The following CADPS2 variants were observed in gnomAD, a reference collection of about 807,000 sequenced individuals.
The protein encoded by CADPS2 is calcium-dependent secretion activator 2.
Under a neutral mutation model 172.5 loss-of-function variants are expected in CADPS2, and 93 were observed. The observed-to-expected ratio is 0.54, with a 90% confidence interval of 0.46 to 0.64. CADPS2 has a LOEUF of 0.64. Among genes scored for constraint, CADPS2 ranks in the 30% least tolerant of loss-of-function variants. The pLI is 0.00. For missense variants in CADPS2, 1,420 were observed against 1,565.9 expected, an observed-to-expected ratio of 0.91 and a Z score of 1.57; for synonymous variants, 546 against 555.2, an observed-to-expected ratio of 0.98 and a Z score of 0.23.
intron 11 of CADPS2, among the ~76,000 whole-genome samples, chr7:122,488,642 T>C (rs1338133830): frequency 6.6e-6 from 1 of 152,192 alleles, no homozygotes; most frequent in Non-Finnish European, 1.5e-5. Flanking sequence ...CAGAGAATAG[T>C]CTTAGGCTAG....
At chr7:122,600,153 G>A (rs187856060) in intron 6 of CADPS2, among the ~76,000 whole-genome samples, 2 of 152,204 alleles carry the variant, frequency 1.3e-5, no homozygotes, top group African/African-American at 4.8e-5. Flanking sequence ...CAGGCCGTCA[G>A]AAGCTACATG....
intron 2 of CADPS2, among the ~76,000 whole-genome samples, chr7:122,668,480 C>CA (rs1418891397): frequency 2.0e-5 from 3 of 150,914 alleles, no homozygotes; most frequent in Non-Finnish European, 3.0e-5. Context: ...TAAAATTTGG[C>CA]AAAATAACTG....
intron 1 of CADPS2, among the ~76,000 whole-genome samples, chr7:122,879,270 G>A (rs1333863286): frequency 7.0e-6 from 1 of 143,614 alleles, no homozygotes; most frequent in African/African-American, 2.6e-5. Context: ...AGGTGCAGTG[G>A]CTCATGCAGG....
chr7:122,817,990 C>G (rs573198706), intron 1 of CADPS2, among the ~76,000 whole-genome samples: 3 of 149,744 alleles, frequency 2.0e-5, no homozygotes, highest in Non-Finnish European at 4.4e-5. Flanking sequence ...TATTTCCATG[C>G]CCCGACCCCT....
At chr7:122,326,357 G>T (rs1029413565) in intron 28 of CADPS2, among the ~76,000 whole-genome samples, 6 of 151,940 alleles carry the variant, frequency 3.9e-5, no homozygotes, top group African/African-American at 1.4e-4. Flanking sequence ...CTTCTTTAAT[G>T]CAATTTTCTG....
chr7:122,369,287 T>G (rs1037510304), intron 25 of CADPS2, among the ~76,000 whole-genome samples: 1 of 151,828 alleles, frequency 6.6e-6, no homozygotes, highest in African/African-American at 2.4e-5. Context: ...CCCGCCACCA[T>G]GCCCGGCTAA....
In CADPS2 at chr7:122,452,325, T is replaced by C. The variant is rs1482716273; in HGVS notation, c.2187-850A>G. 3.5e-4 allele frequency among the ~76,000 whole-genome samples: 53 copies of C among 152,338 alleles called. 1 individual carries two copies. Among genetic ancestry groups the C allele is most frequent in the Admixed American group, 3.5e-3 (53 of 15,302 alleles). The stretch of plus-strand genomic sequence containing the variant: ...TCATATTCACTTCAAAACCTGTTTA[T>C]ATATTTTAATAACAAAATAAACCTT... On this transcript the variant is annotated intron_variant, in intron 14 of 29. Transcript: ENST00000449022.
At chr7:122,882,616 C>CT (rs1245219299) in intron 1 of CADPS2, among the ~76,000 whole-genome samples, 7 of 123,374 alleles carry the variant, frequency 5.7e-5, no homozygotes, top group African/African-American at 2.8e-4. Flanking sequence ...ACCAAGGAAC[C>CT]CTTTTTTTTT....
intron 17 of CADPS2, among the ~76,000 whole-genome samples, chr7:122,433,786 T>G (rs2050283751): frequency 1.3e-5 from 2 of 152,190 alleles, no homozygotes; most frequent in Non-Finnish European, 2.9e-5. Flanking sequence ...TGACCAGTGG[T>G]ATGGATTGCT....
chr7:122,572,643 C>G (rs1298228389), intron 7 of CADPS2, among the ~76,000 whole-genome samples: 2 of 152,094 alleles, frequency 1.3e-5, no homozygotes, highest in African/African-American at 2.4e-5. Flanking sequence ...ATGGAAAATG[C>G]ATTGCCCACA....
chr7:122,848,530 C>A (rs1363139189), intron 1 of CADPS2, among the ~76,000 whole-genome samples: 2 of 152,122 alleles, frequency 1.3e-5, no homozygotes, highest in African/African-American at 4.8e-5. Flanking sequence ...CAGTATCTGT[C>A]CCTGGTTGGT....
At chr7:122,365,896 T>A (rs2151190475) in intron 25 of CADPS2, among the ~76,000 whole-genome samples, 1 of 152,194 alleles carries the variant, frequency 6.6e-6, no homozygotes, top group East Asian at 1.9e-4. Flanking sequence ...CCATAAACTC[T>A]AAGTGACGGG....
At chr7:122,655,207 T>C (rs1478952705) in intron 3 of CADPS2, among the ~76,000 whole-genome samples, 2 of 152,208 alleles carry the variant, frequency 1.3e-5, no homozygotes, top group East Asian at 3.9e-4. Flanking sequence ...AGAATATTTA[T>C]ATAAACGTAG....
chr7:122,522,027 C>T (rs1277135670), intron 8 of CADPS2, among the ~76,000 whole-genome samples: 1 of 152,138 alleles, frequency 6.6e-6, no homozygotes, highest in African/African-American at 2.4e-5. Context: ...CCATAAAACC[C>T]CATTCCACCC....
intron 3 of CADPS2, among the ~76,000 whole-genome samples, chr7:122,657,144 C>T (rs549783293): frequency 6.6e-6 from 1 of 152,164 alleles, no homozygotes; most frequent in Non-Finnish European, 1.5e-5. Flanking sequence ...TTTCTGAGGA[C>T]TCTGCTCTGT....
At chr7:122,807,600 G>A (rs1799067914) in intron 1 of CADPS2, among the ~76,000 whole-genome samples, 1 of 152,172 alleles carries the variant, frequency 6.6e-6, no homozygotes, top group South Asian at 2.1e-4. Context: ...CAGACTGGGT[G>A]GCTTAAGCAA....
intron 1 of CADPS2, among the ~76,000 whole-genome samples, chr7:122,853,806 G>T (rs1814387546): frequency 6.6e-6 from 1 of 152,186 alleles, no homozygotes; most frequent in South Asian, 2.1e-4. Flanking sequence ...GGGGAAGCAG[G>T]AGCGAAAAGC....
intron 2 of CADPS2, among the ~76,000 whole-genome samples, chr7:122,711,174 T>C (rs888878565): frequency 3.9e-5 from 6 of 152,086 alleles, no homozygotes; most frequent in African/African-American, 2.4e-5. Flanking sequence ...TTACATTTTC[T>C]CTCCAAAAGT....
At chr7:122,882,065 A>G (rs959402923) in intron 1 of CADPS2, among the ~76,000 whole-genome samples, 2 of 152,162 alleles carry the variant, frequency 1.3e-5, no homozygotes, top group Non-Finnish European at 2.9e-5. Context: ...AAAAGTGGCC[A>G]CTTTATAGTA....
Sources: allele counts gnomAD v4.1 joint callset (sites outside exome capture counted in the v4.1 genomes callset), GRCh38; gene constraint gnomAD v4.1.1; transcripts MANE v1.5; gene names NCBI Gene and HGNC (gene_info 2026-07-23, HGNC 2026-07-21).